RAD54L2: variants seen among roughly 807,000 people sequenced by gnomAD.
The protein encoded by RAD54L2 is helicase ARIP4.
A neutral mutation model predicts 138.4 loss-of-function variants in RAD54L2; 27 were observed. The observed-to-expected ratio is 0.20, with a 90% CI of 0.14 to 0.27. The LOEUF (loss-of-function observed/expected upper bound fraction) is 0.27, where lower values mean the gene tolerates loss of function less well. RAD54L2 is among the 10% of genes least tolerant of loss of function. The pLI is 1.00. For synonymous variants in RAD54L2, 644 were observed against 723.2 expected, an observed-to-expected ratio of 0.89 and a Z score of 1.76; for missense variants, 1,396 against 1,890.2, an observed-to-expected ratio of 0.74 and a Z score of 4.85.
intron 2 of RAD54L2, among the ~76,000 whole-genome samples, chr3:51,558,170 T>G (rs1699016722): frequency 6.6e-6 from 1 of 152,116 alleles, no homozygotes; most frequent in Non-Finnish European, 1.5e-5. Flanking sequence ...TCTTATCAAG[T>G]CTGGCTTGTA....
At chr3:51,553,857 C>T (rs1199072580) in intron 2 of RAD54L2, among the ~76,000 whole-genome samples, 1 of 152,102 alleles carries the variant, frequency 6.6e-6, no homozygotes, top group Non-Finnish European at 1.5e-5. Context: ...TATGTTTGCA[C>T]CATACTATAG....
chr3:51,549,561 T>C (rs1698783547), intron 2 of RAD54L2, among the ~76,000 whole-genome samples: 1 of 151,972 alleles, frequency 6.6e-6, no homozygotes, highest in South Asian at 2.1e-4. Flanking sequence ...GGAAATCACC[T>C]GAGGTCAGGA....
rs561816047 is a variant in RAD54L2 at position 51,639,367 on chromosome 3, C to T, written c.1861-52C>T. On this transcript the variant is annotated intron_variant, in intron 12 of 22. Transcript: ENST00000684192. ...ATGTGTTTCCAGACTCCCTGGGACA[C>T]CCTTGGAATGTTTTTTGTCCTGTGT... 5.0e-6 allele frequency: 8 copies of T among 1,599,638 alleles called. No individual in the cohort carries two copies. The Admixed American group carries it at 8.4e-5, about 17-fold the overall frequency.
intron 2 of RAD54L2, among the ~76,000 whole-genome samples, chr3:51,574,481 A>G (rs904182096): frequency 3.9e-5 from 6 of 152,082 alleles, no homozygotes; most frequent in Admixed American, 6.6e-5. Flanking sequence ...AAGTGTTCCT[A>G]TTTCTCCACA....
intron 2 of RAD54L2, among the ~76,000 whole-genome samples, chr3:51,559,829 C>A (rs142773983): frequency 2.6e-4 from 40 of 152,306 alleles, no homozygotes; most frequent in African/African-American, 8.7e-4. Context: ...TGTATGAGAG[C>A]CAACGTACTG....
intron 2 of RAD54L2, among the ~76,000 whole-genome samples, chr3:51,556,039 G>A (rs551515046): frequency 6.6e-6 from 1 of 152,088 alleles, no homozygotes; most frequent in Admixed American, 6.5e-5. Context: ...ATCTATTCCT[G>A]TTTCTTCTGT....
intron 21 of RAD54L2, among the ~76,000 whole-genome samples, chr3:51,659,111 T>G (rs970265313): frequency 4.2e-5 from 6 of 143,206 alleles, no homozygotes; most frequent in East Asian, 2.0e-4. Flanking sequence ...TTTTTTTTTT[T>G]TTTTTTTTTT....
At chr3:51,639,723 T>C in intron 13 of RAD54L2, 53 bp downstream of exon 13, 1 of 1,596,816 alleles carries the variant, frequency 6.3e-7, no homozygotes, top group Non-Finnish European at 8.5e-7. Flanking sequence ...GAAGGGATGG[T>C]GCAAGCCCTG....
At position 51,647,562 on chromosome 3, in the gene RAD54L2, G is replaced by A. The variant is rs147317954; in HGVS notation, c.3026+1081G>A. Among the ~76,000 whole-genome samples the A allele has an allele frequency of 3.8e-3, 576 of 152,178 alleles. 7 individuals are homozygous for A. The highest frequency in any genetic ancestry group is 0.013 in the African/African-American group (544 of 41,522). The stretch of plus-strand genomic sequence containing the variant: ...TGTGTGCCTGTAATCCCAGCTACTC[G>A]GGAGGCTGAGGCAGGAGAATTGCTT... On this transcript the variant is annotated intron_variant, in intron 19 of 22. Transcript: ENST00000684192.
At chr3:51,621,015 TAA>T (rs1043085630) in intron 3 of RAD54L2, among the ~76,000 whole-genome samples, 2 of 147,668 alleles carry the variant, frequency 1.4e-5, no homozygotes, top group Non-Finnish European at 1.5e-5. Flanking sequence ...GTTCAGAAGG[TAA>T]AAAAAAAACA....
In RAD54L2 at chr3:51,663,685, C is replaced by G. The variant is rs1157887458; in HGVS notation, c.*265C>G. On this transcript the variant is annotated 3_prime_UTR_variant, in exon 23 of 23. Coordinates refer to ENST00000684192, the MANE Select transcript of RAD54L2 (RefSeq NM_015106.4). ...CAGGGATGGAGGGGCAGTGCAGCCTCTTTTCCTTCCTGCCTTGCTTATGCT... is the reference window on the plus strand; with the variant it reads ...CAGGGATGGAGGGGCAGTGCAGCCTGTTTTCCTTCCTGCCTTGCTTATGCT... The G allele has an allele frequency of 6.7e-6, 3 of 447,014 alleles. No individual in the cohort carries two copies. Among genetic ancestry groups the G allele is most frequent in the African/African-American group, 6.0e-5 (3 of 49,990 alleles). 27.7% of individuals were successfully genotyped at this position (447,014 alleles called of 1,614,324 possible).
At chr3:51,612,363 G>T (rs9839608) in intron 3 of RAD54L2, among the ~76,000 whole-genome samples, 5,818 of 152,306 alleles carry the variant, frequency 0.038, 392 homozygotes, top group African/African-American at 0.13. Flanking sequence ...TTGGGAAGCT[G>T]AGGCAGGAGA....
At chr3:51,589,057 C>T (rs1170946452) in intron 2 of RAD54L2, among the ~76,000 whole-genome samples, 1 of 152,146 alleles carries the variant, frequency 6.6e-6, no homozygotes, top group Non-Finnish European at 1.5e-5. Flanking sequence ...CCTGCTGTGT[C>T]CCCAAACTCT....
chr3:51,604,946 G>T (rs907538643), intron 3 of RAD54L2, among the ~76,000 whole-genome samples: 1 of 151,838 alleles, frequency 6.6e-6, no homozygotes, highest in Non-Finnish European at 1.5e-5. Flanking sequence ...TTTTGAGATG[G>T]AATCTCACTC....
chr3:51,577,095 G>T (rs1487991111), intron 2 of RAD54L2, among the ~76,000 whole-genome samples: 1 of 152,038 alleles, frequency 6.6e-6, no homozygotes, highest in Non-Finnish European at 1.5e-5. Flanking sequence ...CCTTCATTTC[G>T]TTATGTACCC....
chr3:51,575,360 A>G (rs565503634), intron 2 of RAD54L2, among the ~76,000 whole-genome samples: 10 of 152,288 alleles, frequency 6.6e-5, no homozygotes, highest in Admixed American at 6.5e-4. Context: ...TGAACTTTAA[A>G]GTAGTTTTTT....
At position 51,574,126 on chromosome 3, in the gene RAD54L2, C is replaced by G. The variant is rs370279300; in HGVS notation, c.-54-16241C>G. On this transcript the variant is annotated intron_variant, in intron 2 of 22. Coordinates refer to ENST00000684192, the MANE Select transcript of RAD54L2 (RefSeq NM_015106.4). ...TTTTCTGTACTTGTGATAGTTTGCT[C>G]AGAATGATGGTTTCCAGCTTCATCC... 1.3e-4 allele frequency among the ~76,000 whole-genome samples: 19 copies of G among 151,950 alleles called. No individual in the cohort carries two copies. In the East Asian group the frequency reaches 3.1e-3, roughly 25 times the overall value.
chr3:51,629,676 T>C (rs1327024165), intron 5 of RAD54L2, among the ~76,000 whole-genome samples: 1 of 151,420 alleles, frequency 6.6e-6, no homozygotes, highest in African/African-American at 2.4e-5. Context: ...CTGGCCAACA[T>C]GGTGAAACCC....
chr3:51,579,925 A>G (rs1205937074), intron 2 of RAD54L2, among the ~76,000 whole-genome samples: 1 of 152,184 alleles, frequency 6.6e-6, no homozygotes, highest in Admixed American at 6.5e-5. Context: ...ATGTGACACT[A>G]TATTTCCAAC....
Sources: allele counts gnomAD v4.1 joint callset (sites outside exome capture counted in the v4.1 genomes callset), GRCh38; gene constraint gnomAD v4.1.1; transcripts MANE v1.5; gene names NCBI Gene and HGNC (gene_info 2026-07-23, HGNC 2026-07-21).